The following ANKRD31 variants were observed in gnomAD, a reference collection of about 807,000 sequenced individuals.
ANKRD31 encodes ankyrin repeat domain-containing protein 31.
Under a neutral mutation model 186.0 loss-of-function variants are expected in ANKRD31, and 147 were observed. The ratio of observed to expected loss-of-function variants is 0.79; its 90% CI spans 0.69 to 0.91. The LOEUF is 0.91. ANKRD31 is among the 40% of genes least tolerant of loss of function. The pLI is 0.00. For synonymous variants in ANKRD31, 673 were observed against 736.4 expected (o/e 0.91, Z 1.39); for missense variants, 1,986 against 2,148.8 (o/e 0.92, Z 1.50).
intron 17 of ANKRD31, among the ~76,000 whole-genome samples, chr5:75,128,772 C>T (rs1232088951): frequency 6.6e-6 from 1 of 151,860 alleles, no homozygotes; most frequent in Non-Finnish European, 1.5e-5. Context: ...CTTCGGCCTC[C>T]CAAAGTACTG....
chr5:75,088,751 C>A (rs184949137), intron 23 of ANKRD31, among the ~76,000 whole-genome samples: 7 of 152,294 alleles, frequency 4.6e-5, no homozygotes, highest in Admixed American at 4.6e-4. Flanking sequence ...CTTAACTTCC[C>A]AAACCTTTGT....
Position 75,104,464 on chromosome 5 carries a change from C to A in ANKRD31, c.5095G>T (p.Val1699Phe), listed in dbSNP as rs1747165039. The change falls in exon 22 of 26, where the codon GTC becomes TTC. Residue 1699 changes from valine to phenylalanine, a missense_variant. Val to Phe is a conservative substitution (Grantham distance 50). Coordinates refer to ENST00000506364, the MANE Select transcript of ANKRD31 (RefSeq NM_001372053.1). ...TGATGCACTGTATCACTGCCTAAGA[C>A]AGCAATCCCTTGATGTGCCAGAGAT... Reference protein sequence around the residue: ...SESLAHQGIAVLGSDTVHQMK... With the variant: ...SESLAHQGIAFLGSDTVHQMK... 7.2e-6 allele frequency: 11 copies of A among 1,537,230 alleles called. No homozygotes were observed. Among genetic ancestry groups the A allele is most frequent in the Non-Finnish European group, 7.8e-6 (9 of 1,146,912 alleles).
At position 75,113,434 on chromosome 5, in the gene ANKRD31, CATA is replaced by C. The variant is rs767236582; in HGVS notation, c.4156-837_4156-835del. On this transcript the variant is annotated intron_variant, in intron 19 of 25. Coordinates refer to ENST00000506364, the MANE Select transcript of ANKRD31 (RefSeq NM_001372053.1). ...TCGGTGCTACATAATTTAACACTAA[CATA>C]ATAATGTCTTGTACATTATATTTCC... Among the ~76,000 whole-genome samples the C allele has an allele frequency of 2.6e-5, 4 of 152,294 alleles. No individual in the cohort carries two copies. In the South Asian group the frequency reaches 8.3e-4, roughly 32 times the overall value.
At chr5:75,122,245 C>A (rs1322575795) in intron 17 of ANKRD31, among the ~76,000 whole-genome samples, 2 of 151,118 alleles carry the variant, frequency 1.3e-5, no homozygotes, top group African/African-American at 4.9e-5. Flanking sequence ...AAGACTGAAC[C>A]TTGAAGAACT....
Position 75,146,802 on chromosome 5 carries a change from GA to G in ANKRD31, c.2608del (p.Ser870LeufsTer25). On this transcript the variant is annotated frameshift_variant, in exon 14 of 26. Transcript: ENST00000506364. LOFTEE classifies it high-confidence loss of function. ...LQEQHHVLYKSHENSNLVPKD... is the reference protein window; with the variant it reads ...LQEQHHVLYKXHENSNLVPKD... ...TGGGACCAAGTTACTGTTTTCATGAGATTTATAAAGTACATGGTGTTGTTCC... is the reference window on the plus strand; with the variant it reads ...TGGGACCAAGTTACTGTTTTCATGAGTTTATAAAGTACATGGTGTTGTTCC... The G allele has an allele frequency of 6.5e-7, 1 of 1,536,100 alleles. No homozygotes were observed. Among genetic ancestry groups the G allele is most frequent in the Non-Finnish European group, 8.7e-7 (1 of 1,146,230 alleles).
intron 10 of ANKRD31, among the ~76,000 whole-genome samples, chr5:75,172,199 A>T (rs1052320063): frequency 6.6e-6 from 1 of 152,040 alleles, no homozygotes; most frequent in African/African-American, 2.4e-5. Context: ...AAAAAGAATG[A>T]TACATCATGA....
chr5:75,200,297 C>CTTT (rs373390533), intron 5 of ANKRD31, among the ~76,000 whole-genome samples: 102 of 144,104 alleles, frequency 7.1e-4, no homozygotes, highest in African/African-American at 2.3e-3. Context: ...TTCTTTCTTT[C>CTTT]TTTTTTTTTT....
intron 1 of ANKRD31, among the ~76,000 whole-genome samples, chr5:75,232,070 G>A (rs1313206808): frequency 6.6e-6 from 1 of 152,068 alleles, no homozygotes; most frequent in Non-Finnish European, 1.5e-5. Context: ...AAGAAGAAAA[G>A]CATTTTCTTG....
At chr5:75,132,628 A>T (rs1167335418) in intron 17 of ANKRD31, among the ~76,000 whole-genome samples, 6 of 152,228 alleles carry the variant, frequency 3.9e-5, no homozygotes, top group Non-Finnish European at 7.3e-5. Flanking sequence ...CCAATCTAGC[A>T]AGGCAGGCCA....
intron 15 of ANKRD31, among the ~76,000 whole-genome samples, 176 bp from the exon 16 acceptor site, chr5:75,139,159 T>C (rs994967760): frequency 1.3e-5 from 2 of 152,202 alleles, no homozygotes; most frequent in African/African-American, 4.8e-5. Context: ...ATAATAAGCA[T>C]CTAAGCACAT....
chr5:75,149,507 G>A (rs1175771729), intron 12 of ANKRD31, among the ~76,000 whole-genome samples: 1 of 151,834 alleles, frequency 6.6e-6, no homozygotes, highest in Admixed American at 6.6e-5. Flanking sequence ...ACATTATACA[G>A]GTGAAAAAGT....
At chr5:75,183,364 GA>G (rs1230118824) in intron 10 of ANKRD31, among the ~76,000 whole-genome samples, 5 of 152,062 alleles carry the variant, frequency 3.3e-5, no homozygotes, top group Non-Finnish European at 5.9e-5. Context: ...AAAAAGACAA[GA>G]ATGTCCACTT....
At chr5:75,160,148 A>G (rs1580454406) in intron 11 of ANKRD31, among the ~76,000 whole-genome samples, 1 of 152,110 alleles carries the variant, frequency 6.6e-6, no homozygotes, top group African/African-American at 2.4e-5. Context: ...ATTTGTAACA[A>G]TATATTGTAT....
At chr5:75,118,425 A>AT (rs1748473806) in intron 17 of ANKRD31, 128 bp from the exon 18 acceptor site, 1 of 935,424 alleles carries the variant, frequency 1.1e-6, no homozygotes, top group South Asian at 2.3e-5. Flanking sequence ...GGTCAAGAAA[A>AT]TTTTTTATTA....
intron 11 of ANKRD31, among the ~76,000 whole-genome samples, chr5:75,166,334 G>A (rs191314322): frequency 4.0e-4 from 61 of 152,182 alleles, no homozygotes; most frequent in Non-Finnish European, 4.4e-5. Flanking sequence ...AGCTGAGCAT[G>A]GTGATACATG....
At chr5:75,081,758 C>T (rs528538859) in intron 24 of ANKRD31, among the ~76,000 whole-genome samples, 2 of 149,596 alleles carry the variant, frequency 1.3e-5, no homozygotes, top group Admixed American at 1.3e-4. Context: ...GCAACGGGGG[C>T]GGAGAGAGAG....
chr5:75,124,375 A>T (rs570158745), intron 17 of ANKRD31, among the ~76,000 whole-genome samples: 1 of 152,272 alleles, frequency 6.6e-6, no homozygotes, highest in East Asian at 1.9e-4. Flanking sequence ...CAGTATGGAG[A>T]TTTCCCAAAT....
chr5:75,175,833 A>G (rs962357589), intron 10 of ANKRD31, among the ~76,000 whole-genome samples: 2 of 152,062 alleles, frequency 1.3e-5, no homozygotes, highest in Non-Finnish European at 2.9e-5. Context: ...TGATTTCTGC[A>G]TTTCCAACTG....
Position 75,236,871 on chromosome 5 carries a change from A to G in ANKRD31, c.-185T>C, listed in dbSNP as rs541280323. 1,206 of 452,690 alleles carry G rather than the reference A, an allele frequency of 2.7e-3. 6 individuals carry two copies. The highest frequency in any genetic ancestry group is 3.6e-3 in the Non-Finnish European group (947 of 265,456). The allele number at this position is 452,690 out of a possible 1,614,324, so 28.0% of individuals were successfully genotyped here. ...CAGGCGGCCGCGAGCGCGGCGGGGT[A>G]GCAGTCTGCGAGGCGGCCCGCGGGT... On this transcript the variant is annotated 5_prime_UTR_variant, in exon 1 of 26. Coordinates refer to ENST00000506364, the MANE Select transcript of ANKRD31 (RefSeq NM_001372053.1).
Sources: gnomAD v4.1 joint callset for allele counts (sites outside exome capture counted in the v4.1 genomes callset) on GRCh38, gnomAD v4.1.1 for gene constraint, MANE v1.5 for transcripts, NCBI Gene and HGNC (gene_info 2026-07-23, HGNC 2026-07-21) for gene names.